The following VRK2 variants were observed in gnomAD, a reference collection of about 807,000 sequenced individuals.
VRK2 encodes the protein VRK serine/threonine kinase 2, also known as serine/threonine-protein kinase VRK2.
A neutral mutation model predicts 57.6 loss-of-function variants in VRK2; 60 were observed. The ratio of observed to expected loss-of-function variants is 1.04; its 90% CI spans 0.85 to 1.29. VRK2 has a LOEUF of 1.29. Among genes scored for constraint, VRK2 ranks in the 50% most tolerant of loss-of-function variants. VRK2 has a pLI of 0.00. For synonymous variants in VRK2, 231 were observed against 199.2 expected, an observed-to-expected ratio of 1.16 and a Z score of -1.35; for missense variants, 705 against 588.1, an observed-to-expected ratio of 1.20 and a Z score of -2.06.
intron 1 of VRK2, among the ~76,000 whole-genome samples, chr2:58,007,487 G>C (rs983473599): frequency 4.6e-5 from 7 of 151,200 alleles, no homozygotes; most frequent in Admixed American, 3.3e-4. Flanking sequence ...AAGATGACAA[G>C]GATAAAGGCA....
chr2:58,133,062 C>T (rs1679446395), intron 9 of VRK2, among the ~76,000 whole-genome samples: 1 of 152,044 alleles, frequency 6.6e-6, no homozygotes, highest in Non-Finnish European at 1.5e-5. Flanking sequence ...AATTAGAATA[C>T]TGTAATAAAG....
chr2:57,922,435 A>G (rs371442430), intron 1 of VRK2, among the ~76,000 whole-genome samples: 4 of 144,924 alleles, frequency 2.8e-5, no homozygotes, highest in African/African-American at 1.0e-4. Flanking sequence ...CATAACCATC[A>G]CCTCACATAG....
intron 1 of VRK2, among the ~76,000 whole-genome samples, chr2:57,966,456 C>T (rs1026654723): frequency 6.6e-6 from 1 of 152,106 alleles, no homozygotes; most frequent in African/African-American, 2.4e-5. Context: ...TTTACAACCC[C>T]TAAGGACTGC....
At chr2:57,959,076 T>C (rs991372628) in intron 1 of VRK2, among the ~76,000 whole-genome samples, 3 of 152,350 alleles carry the variant, frequency 2.0e-5, no homozygotes, top group African/African-American at 7.2e-5. Context: ...TTGCCATTCA[T>C]CCTATTTTTT....
chr2:58,049,884 TTGAA>T (rs148208008), intron 2 of VRK2, among the ~76,000 whole-genome samples: 6 of 152,178 alleles, frequency 3.9e-5, no homozygotes, highest in African/African-American at 1.2e-4. Context: ...GATTGTAGTT[TTGAA>T]TGAATGAATG....
rs1030246779 is a variant in VRK2 at position 58,058,461 on chromosome 2, C to T, written c.136+9494C>T. 6 of 467,738 alleles carry T rather than the reference C, an allele frequency of 1.3e-5. No homozygotes were observed. Among genetic ancestry groups the T allele is most frequent in the Admixed American group, 2.4e-5 (1 of 42,074 alleles). The allele number at this position is 467,738 out of a possible 1,614,324, so 29.0% of individuals were successfully genotyped here. ...GAAGCTTCGACATGTGTGAAAGAGG[C>T]GCATAGAGAACATAGCTTCCATTTC... is the stretch of plus-strand genomic sequence containing the variant. On this transcript the variant is annotated intron_variant, in intron 2 of 12. Coordinates refer to ENST00000340157, the MANE Select transcript of VRK2 (RefSeq NM_006296.7).
At chr2:58,031,281 G>T (rs577476322) in intron 2 of VRK2, among the ~76,000 whole-genome samples, 2 of 151,994 alleles carry the variant, frequency 1.3e-5, no homozygotes, top group Non-Finnish European at 2.9e-5. Flanking sequence ...AAGGAATAGC[G>T]AGTGGGCCAG....
At chr2:58,013,407 C>T (rs1673471702) in intron 1 of VRK2, among the ~76,000 whole-genome samples, 1 of 152,196 alleles carries the variant, frequency 6.6e-6, no homozygotes, top group East Asian at 1.9e-4. Flanking sequence ...ATTCTGACTG[C>T]TAATACGCTA....
chr2:58,127,565 G>A (rs1001085285), intron 8 of VRK2, among the ~76,000 whole-genome samples: 1 of 152,018 alleles, frequency 6.6e-6, no homozygotes, highest in Admixed American at 6.6e-5. Flanking sequence ...AAATATTCTG[G>A]ATCTTTATAC....
chr2:58,064,994 C>T (rs1363356506), intron 2 of VRK2, among the ~76,000 whole-genome samples: 2 of 152,038 alleles, frequency 1.3e-5, no homozygotes, highest in Non-Finnish European at 2.9e-5. Context: ...GTGCTCATTT[C>T]AAGTCCACCT....
chr2:57,910,839 C>T (rs1277244297), intron 1 of VRK2, among the ~76,000 whole-genome samples: 2 of 152,134 alleles, frequency 1.3e-5, no homozygotes, highest in African/African-American at 4.8e-5. Context: ...CACTAGATGT[C>T]ATCCTCTTAC....
At chr2:58,090,124 G>A (rs763679085) in intron 7 of VRK2, among the ~76,000 whole-genome samples, 4 of 148,234 alleles carry the variant, frequency 2.7e-5, no homozygotes, top group East Asian at 2.0e-4. Flanking sequence ...GGCCGGGCGC[G>A]GTGGCTCATG....
At chr2:58,084,038 A>G in intron 2 of VRK2, 51 bp from the exon 3 acceptor site, 1 of 1,582,234 alleles carries the variant, frequency 6.3e-7, no homozygotes, top group Non-Finnish European at 8.6e-7. Context: ...GTAGGTATTC[A>G]GTAATTGGGA....
chr2:58,046,790 G>C (rs1230207120), upstream of VRK2: 2 of 985,488 alleles, frequency 2.0e-6, no homozygotes, highest in Non-Finnish European at 2.4e-6. Flanking sequence ...CGGGACTGTA[G>C]GCCCGGGGGC....
At chr2:57,971,322 G>C (rs1008729810) in intron 1 of VRK2, among the ~76,000 whole-genome samples, 3 of 151,926 alleles carry the variant, frequency 2.0e-5, no homozygotes, top group Non-Finnish European at 4.4e-5. Context: ...TGTCATGGAG[G>C]CACCCTCTGC....
intron 1 of VRK2, among the ~76,000 whole-genome samples, chr2:57,953,346 T>A (rs1671485753): frequency 6.6e-6 from 1 of 152,212 alleles, no homozygotes; most frequent in South Asian, 2.1e-4. Flanking sequence ...TTATGATGGA[T>A]TTGTCACTAC....
rs188045115 is a variant in VRK2, at chr2:58,084,053, C to G, written c.137-36C>G. On this transcript the variant is annotated intron_variant, in intron 2 of 12. Transcript: ENST00000340157. ...GTAGGTATTCAGTAATTGGGAATAACTATTTTTCTCCATTGTGTGTTTTTT... is the reference window on the plus strand; with the variant it reads ...GTAGGTATTCAGTAATTGGGAATAAGTATTTTTCTCCATTGTGTGTTTTTT... The G allele has an allele frequency of 1.6e-5, 26 of 1,599,642 alleles. 1 individual carries two copies. In the South Asian group the frequency reaches 2.5e-4, roughly 15 times the overall value.
chr2:58,020,501 T>C (rs1258192236), intron 1 of VRK2, among the ~76,000 whole-genome samples: 1 of 152,240 alleles, frequency 6.6e-6, no homozygotes, highest in African/African-American at 2.4e-5. Context: ...CACCATGCCC[T>C]GCTAAGATAT....
At chr2:58,036,211 G>C (rs1045228479) in intron 3 of VRK2, among the ~76,000 whole-genome samples, 1 of 151,934 alleles carries the variant, frequency 6.6e-6, no homozygotes, top group African/African-American at 2.4e-5. Context: ...AAGTAGAATA[G>C]AAGCAGTATT....
Sources: gnomAD v4.1 joint callset for allele counts (sites outside exome capture counted in the v4.1 genomes callset) on GRCh38, gnomAD v4.1.1 for gene constraint, MANE v1.5 for transcripts, NCBI Gene and HGNC (gene_info 2026-07-23, HGNC 2026-07-21) for gene names.